Variants in GJB7 observed in about 807,000 individuals in gnomAD.
The protein encoded by GJB7 is gap junction beta-7 protein.
For synonymous variants in GJB7, 87 were observed against 95.2 expected, an observed-to-expected ratio of 0.91 and a Z score of 0.50; for missense variants, 253 against 256.8, an observed-to-expected ratio of 0.99 and a Z score of 0.10.
At chr6:87,310,875 C>T (rs1448207166) in intron 2 of GJB7, among the ~76,000 whole-genome samples, 1 of 152,106 alleles carries the variant, frequency 6.6e-6, no homozygotes, top group Non-Finnish European at 1.5e-5. Flanking sequence ...AGATGTAAAA[C>T]ATATTATATT....
chr6:87,297,813 C>A (rs2127901439), intron 2 of GJB7, among the ~76,000 whole-genome samples: 1 of 152,322 alleles, frequency 6.6e-6, no homozygotes, highest in East Asian at 1.9e-4. Context: ...CCTGGACAGG[C>A]AGGGTCAGGG....
intron 2 of GJB7, among the ~76,000 whole-genome samples, chr6:87,310,612 T>C (rs1213561344): frequency 6.6e-6 from 1 of 151,546 alleles, no homozygotes. Flanking sequence ...AACTTAGCCA[T>C]GTAATGAAAA....
chr6:87,324,610 T>A (rs1321228130), intron 1 of GJB7, among the ~76,000 whole-genome samples: 3 of 150,098 alleles, frequency 2.0e-5, no homozygotes, highest in Non-Finnish European at 4.4e-5. Flanking sequence ...GAGGGCTCTG[T>A]TCTATTCCAT....
At chr6:87,292,236 T>A (rs1402877582) in intron 2 of GJB7, among the ~76,000 whole-genome samples, 1 of 152,186 alleles carries the variant, frequency 6.6e-6, no homozygotes, top group Non-Finnish European at 1.5e-5. Context: ...AACCTTGCTA[T>A]CATCTACACA....
chr6:87,314,537 C>T (rs1171116504), intron 2 of GJB7, among the ~76,000 whole-genome samples: 1 of 152,176 alleles, frequency 6.6e-6, no homozygotes, highest in Non-Finnish European at 1.5e-5. Flanking sequence ...GAAGAAGCTA[C>T]GGAATTTTTT....
At chr6:87,301,982 G>A (rs1473784028) in intron 2 of GJB7, among the ~76,000 whole-genome samples, 2 of 152,156 alleles carry the variant, frequency 1.3e-5, no homozygotes, top group African/African-American at 4.8e-5. Flanking sequence ...ACTGTCAGAA[G>A]GAAAACTAAC....
chr6:87,323,270 G>A (rs7751606), intron 1 of GJB7, among the ~76,000 whole-genome samples: 16,202 of 70,464 alleles, frequency 0.23, 905 homozygotes, highest in Non-Finnish European at 0.3. Flanking sequence ...GTTTTGTTTT[G>A]TTTATTTATT....
intron 2 of GJB7, among the ~76,000 whole-genome samples, chr6:87,294,025 G>A (rs1048652146): frequency 9.2e-5 from 14 of 152,190 alleles, no homozygotes; most frequent in Non-Finnish European, 2.1e-4. Flanking sequence ...TTGACAAAGG[G>A]ATTTAATTCT....
At chr6:87,298,765 G>A (rs200812892) in intron 2 of GJB7, 19 of 234,718 alleles carry the variant, frequency 8.1e-5, no homozygotes, top group East Asian at 2.4e-4. Context: ...GCTGCCATCC[G>A]ACAGAAATGC....
In GJB7 at chr6:87,310,608, GCC is replaced by G. The variant is rs199807638; in HGVS notation, c.-28+12256_-28+12257del. On this transcript the variant is annotated intron_variant, in intron 2 of 2. Coordinates refer to ENST00000525899, the MANE Select transcript of GJB7 (RefSeq NM_198568.3). ...TCAGAAATCACCATTGCAGAACTTA[GCC>G]ATGTAATGAAAAGCCACCTGTTCCC... Among the ~76,000 whole-genome samples, 750 of 151,986 alleles carry G rather than the reference GCC, an allele frequency of 4.9e-3. 18 individuals carry two copies. The highest frequency in any genetic ancestry group is 0.046 in the Admixed American group (697 of 15,232).
chr6:87,299,552 G>GT, intron 2 of GJB7: 1 of 268,298 alleles, frequency 3.7e-6, no homozygotes, highest in Non-Finnish European at 7.3e-6. Flanking sequence ...AATCCTCACT[G>GT]TAAGTCCTTG....
At chr6:87,322,619 T>G (rs923292348) in intron 2 of GJB7, 1 of 152,136 alleles carries the variant, frequency 6.6e-6, no homozygotes, top group African/African-American at 2.4e-5. Flanking sequence ...GGAGAGGAGG[T>G]GACCCCGCGA....
chr6:87,328,255 C>G (rs1776884803), intron 1 of GJB7, among the ~76,000 whole-genome samples: 1 of 152,104 alleles, frequency 6.6e-6, no homozygotes, highest in South Asian at 2.1e-4. Flanking sequence ...CTCAGCTCGT[C>G]AAAGTCATTC....
intron 2 of GJB7, among the ~76,000 whole-genome samples, chr6:87,305,112 G>A (rs1776403298): frequency 6.6e-6 from 1 of 152,126 alleles, no homozygotes; most frequent in Admixed American, 6.5e-5. Flanking sequence ...TTGAAAACTG[G>A]CATAAGATAG....
At chr6:87,323,266 TTTTGTTTA>T (rs779058278) in intron 1 of GJB7, among the ~76,000 whole-genome samples, 6 of 151,942 alleles carry the variant, frequency 3.9e-5, no homozygotes, top group South Asian at 4.1e-4. Context: ...TTTTGTTTTG[TTTTGTTTA>T]TTTATTTATT....
intron 2 of GJB7, among the ~76,000 whole-genome samples, chr6:87,307,599 T>C (rs1776452071): frequency 6.6e-6 from 1 of 152,174 alleles, no homozygotes; most frequent in East Asian, 1.9e-4. Context: ...AGAAGACATT[T>C]ATGCAGCCAA....
chr6:87,305,285 T>A (rs1776406008), intron 2 of GJB7, among the ~76,000 whole-genome samples: 1 of 151,996 alleles, frequency 6.6e-6, no homozygotes, highest in Non-Finnish European at 1.5e-5. Flanking sequence ...CCCCATTGTC[T>A]CAGCCCAAAA....
chr6:87,291,804 C>T (rs1300113348), intron 2 of GJB7: 2 of 152,094 alleles, frequency 1.3e-5, no homozygotes, highest in African/African-American at 2.4e-5. Flanking sequence ...ACAAGAAATG[C>T]AATTTTCCCA....
chr6:87,312,761 G>A (rs1418175756), intron 2 of GJB7, among the ~76,000 whole-genome samples: 1 of 152,146 alleles, frequency 6.6e-6, no homozygotes, highest in African/African-American at 2.4e-5. Context: ...GGAAATGGCA[G>A]AACACTCTTT....
Sources: gnomAD v4.1 joint callset for allele counts (sites outside exome capture counted in the v4.1 genomes callset) on GRCh38, gnomAD v4.1.1 for gene constraint, MANE v1.5 for transcripts, NCBI Gene and HGNC (gene_info 2026-07-23, HGNC 2026-07-21) for gene names.